The following TRIP4 variants were observed in gnomAD, a reference collection of about 807,000 sequenced individuals.
TRIP4 encodes thyroid hormone receptor interactor 4, also known as activating signal cointegrator 1.
A neutral mutation model predicts 81.8 loss-of-function variants in TRIP4; 54 were observed. The observed-to-expected ratio is 0.66, with a 90% CI of 0.53 to 0.83. The LOEUF (loss-of-function observed/expected upper bound fraction) is 0.83. Ranked by LOEUF, TRIP4 falls within the 40% of genes least tolerant of loss-of-function variation. The pLI is 0.00. For synonymous variants in TRIP4, 270 were observed against 242.8 expected (o/e 1.11, Z -1.04); for missense variants, 662 against 683.6 (o/e 0.97, Z 0.35).
At chr15:64,406,179 C>T (rs1278697226) in intron 5 of TRIP4, 151 bp from the exon 6 acceptor site, 1 of 837,024 alleles carries the variant, frequency 1.2e-6, no homozygotes, top group Non-Finnish European at 1.9e-6. Context: ...ACAGGTAAGG[C>T]CTGGACTGTG....
chr15:64,450,734 T>G (rs1245813702), intron 12 of TRIP4: 1 of 456,100 alleles, frequency 2.2e-6, no homozygotes, highest in Admixed American at 2.3e-5. Flanking sequence ...CTCTTGTATC[T>G]TGTTTCTCCT....
In TRIP4 at chr15:64,409,735, G is replaced by A. The variant is rs200549601; in HGVS notation, c.950G>A (p.Arg317Gln). The A allele has an allele frequency of 4.9e-5, 79 of 1,614,106 alleles. No homozygotes were observed. The highest frequency in any genetic ancestry group is 1.2e-4 in the African/African-American group (9 of 75,020). Reference sequence around the variant, plus strand: ...CGAGAGGAGGAGCTGAGAGAACTTCGACACGCCTCTCGACTTTCTAAGAAG... The same window carrying A: ...CGAGAGGAGGAGCTGAGAGAACTTCAACACGCCTCTCGACTTTCTAAGAAG... ...QKREEELREL[R>Q]HASRLSKKVT... Residue 317 changes from arginine (R) to glutamine (Q), a missense_variant, in exon 7 of 13, where the codon CGA (arginine) becomes CAA (glutamine). Arg to Gln is a conservative substitution (Grantham distance 43). Coordinates refer to ENST00000261884, the MANE Select transcript of TRIP4 (RefSeq NM_016213.5).
intron 11 of TRIP4, among the ~76,000 whole-genome samples, chr15:64,442,859 C>T (rs1048406123): frequency 5.3e-5 from 8 of 151,766 alleles, no homozygotes; most frequent in Middle Eastern, 3.4e-3. Flanking sequence ...TGGTTTTGGA[C>T]GCCTGTAATC....
intron 6 of TRIP4, 95 bp from the exon 7 acceptor site, chr15:64,409,518 A>G (rs1891712131): frequency 3.4e-6 from 4 of 1,178,570 alleles, no homozygotes. Flanking sequence ...TTTGGAACAT[A>G]TTTGAGATAT....
chr15:64,416,081 G>A (rs973067728), intron 8 of TRIP4, among the ~76,000 whole-genome samples: 9 of 152,134 alleles, frequency 5.9e-5, no homozygotes, highest in South Asian at 2.1e-4. Flanking sequence ...AGTGGGAGCC[G>A]GGCCTGAGAT....
At chr15:64,413,092 A>T (rs1204234897) in intron 7 of TRIP4, among the ~76,000 whole-genome samples, 1 of 152,080 alleles carries the variant, frequency 6.6e-6, no homozygotes, top group Admixed American at 6.6e-5. Flanking sequence ...AGCAAGAAGG[A>T]GTGGAGAAAG....
chr15:64,415,471 A>G (rs988877648), intron 8 of TRIP4, among the ~76,000 whole-genome samples: 1 of 152,208 alleles, frequency 6.6e-6, no homozygotes, highest in Non-Finnish European at 1.5e-5. Context: ...TGGAAAGACT[A>G]CATTCCCTCT....
intron 11 of TRIP4, among the ~76,000 whole-genome samples, chr15:64,425,909 C>A (rs1425966372): frequency 6.6e-6 from 1 of 152,140 alleles, no homozygotes; most frequent in African/African-American, 2.4e-5. Context: ...CAGTGAAACC[C>A]CATCTCTACT....
intron 3 of TRIP4, among the ~76,000 whole-genome samples, chr15:64,396,338 G>A (rs570722449): frequency 1.4e-4 from 20 of 138,096 alleles, no homozygotes; most frequent in Non-Finnish European, 2.3e-4. Flanking sequence ...GTGCAGTGGC[G>A]CAATCTTGGC....
At chr15:64,428,400 T>A (rs2140303071) in intron 11 of TRIP4, among the ~76,000 whole-genome samples, 1 of 152,332 alleles carries the variant, frequency 6.6e-6, no homozygotes, top group South Asian at 2.1e-4. Flanking sequence ...ACTTATATTG[T>A]ATCTCATTTC....
At chr15:64,411,089 A>G (rs1401228225) in intron 7 of TRIP4, among the ~76,000 whole-genome samples, 1 of 152,196 alleles carries the variant, frequency 6.6e-6, no homozygotes, top group African/African-American at 2.4e-5. Context: ...GAATGGGAGT[A>G]TTAAAATGAT....
intron 11 of TRIP4, among the ~76,000 whole-genome samples, chr15:64,432,478 C>T (rs1228752941): frequency 4.0e-5 from 6 of 151,766 alleles, no homozygotes; most frequent in Non-Finnish European, 7.4e-5. Flanking sequence ...GGCATGGTGG[C>T]GCACCCCTGT....
Position 64,390,014 on chromosome 15 carries a change from A to G in TRIP4, c.101+2050A>G, listed in dbSNP as rs561211648. On this transcript the variant is annotated intron_variant, in intron 1 of 12. Transcript: ENST00000261884. ...ACCACGCCTGGCCCAATTTTCACAT[A>G]TTTATTGTAAATATGTGTAATATAT... Among the ~76,000 whole-genome samples, 8 of 148,560 alleles carry G rather than the reference A, an allele frequency of 5.4e-5. No individual in the cohort carries two copies. In the East Asian group the frequency reaches 1.6e-3, roughly 29 times the overall value.
At chr15:64,419,638 G>A (rs747134955) in intron 9 of TRIP4, among the ~76,000 whole-genome samples, 13 of 152,124 alleles carry the variant, frequency 8.5e-5, no homozygotes, top group Admixed American at 1.3e-4. Flanking sequence ...GATTACAGAC[G>A]TGAACCACCG....
chr15:64,391,180 G>A (rs1274575264), intron 1 of TRIP4, among the ~76,000 whole-genome samples: 1 of 150,530 alleles, frequency 6.6e-6, no homozygotes, highest in African/African-American at 2.4e-5. Context: ...TTTTTGAGAC[G>A]GAGTCTCACT....
chr15:64,438,715 G>T (rs1376605190), intron 11 of TRIP4, among the ~76,000 whole-genome samples: 1 of 152,194 alleles, frequency 6.6e-6, no homozygotes, highest in Non-Finnish European at 1.5e-5. Context: ...TGAAGAATCA[G>T]GCCAGAAAAG....
intron 11 of TRIP4, among the ~76,000 whole-genome samples, chr15:64,429,272 G>T (rs1892218724): frequency 6.6e-6 from 1 of 152,048 alleles, no homozygotes; most frequent in Admixed American, 6.6e-5. Flanking sequence ...AGCCGAGATT[G>T]TGCCACTGCA....
rs1035724453 is a variant in TRIP4 at position 64,445,815 on chromosome 15, A to C, written c.1678+707A>C. Among the ~76,000 whole-genome samples the C allele has an allele frequency of 2.0e-5, 3 of 152,180 alleles. No individual in the cohort carries two copies. The East Asian group carries it at 5.8e-4, about 29-fold the overall frequency. The stretch of plus-strand genomic sequence containing the variant: ...TATACCTTGATCCACAATTACCGGC[A>C]TAGTAAGTCGCTCTAAACTTCAATT... On this transcript the variant is annotated intron_variant, in intron 12 of 12. Coordinates refer to ENST00000261884, the MANE Select transcript of TRIP4 (RefSeq NM_016213.5).
At chr15:64,417,899 A>G (rs1234379016) in intron 8 of TRIP4, among the ~76,000 whole-genome samples, 1 of 152,220 alleles carries the variant, frequency 6.6e-6, no homozygotes, top group African/African-American at 2.4e-5. Flanking sequence ...AGAACCAAGT[A>G]TGGATCATTA....
Sources: allele counts gnomAD v4.1 joint callset (sites outside exome capture counted in the v4.1 genomes callset), GRCh38; gene constraint gnomAD v4.1.1; transcripts MANE v1.5; gene names NCBI Gene and HGNC (gene_info 2026-07-23, HGNC 2026-07-21).